Variants in ADGRF3 observed in about 807,000 individuals in gnomAD.
The protein encoded by ADGRF3 is adhesion G protein-coupled receptor F3.
A neutral mutation model predicts 93.2 loss-of-function variants in ADGRF3; 85 were observed. That is an observed-to-expected ratio of 0.91 (90% confidence interval 0.77 to 1.09). ADGRF3 has a LOEUF of 1.09. ADGRF3 is among the 50% of genes least tolerant of loss of function. The probability of loss-of-function intolerance (pLI) is 0.00; values close to 1 mark genes in which losing one functional copy is unlikely to be tolerated. For missense variants in ADGRF3, 1,125 were observed against 1,246.2 expected, an observed-to-expected ratio of 0.90 and a Z score of 1.46; for synonymous variants, 534 against 532.5, an observed-to-expected ratio of 1.00 and a Z score of -0.04.
At chr2:26,315,958 CT>C (rs1674617433) in intron 4 of ADGRF3, among the ~76,000 whole-genome samples, 1 of 151,850 alleles carries the variant, frequency 6.6e-6, no homozygotes, top group Non-Finnish European at 1.5e-5. Flanking sequence ...AAGAGGGAAC[CT>C]TTTTGGTCTA....
At chr2:26,336,849 G>C (rs12471804) in intron 1 of ADGRF3, among the ~76,000 whole-genome samples, 43,318 of 150,582 alleles carry the variant, frequency 0.29, 7,064 homozygotes, top group Middle Eastern at 0.4. Context: ...GTGTCCATTT[G>C]ACTCAGCATC....
chr2:26,310,693 T>G lies in ADGRF3; in HGVS notation c.2831A>C (p.Gln944Pro). Residue 944 changes from glutamine to proline, a missense_variant and splice_region_variant, in exon 10 of 14, where the codon CAG becomes CCG. Gln to Pro is a moderately conservative substitution (Grantham distance 76). Coordinates refer to ENST00000651242, the MANE Select transcript of ADGRF3 (RefSeq NM_001321971.2). ...HYIFTILNTLQGVFILLFGCL... is the reference protein window; with the variant it reads ...HYIFTILNTLPGVFILLFGCL... The stretch of plus-strand genomic sequence containing the variant: ...CACAGCCACCCCCCTATCACCTACC[T>G]GGAGGGTGTTGAGAATGGTGAAGAT... 2.5e-6 allele frequency: 4 copies of G among 1,609,512 alleles called. No homozygotes were observed. The highest frequency in any genetic ancestry group is 3.4e-6 in the Non-Finnish European group (4 of 1,177,906).
At chr2:26,326,112 T>G (rs1325123088) in intron 1 of ADGRF3, among the ~76,000 whole-genome samples, 2 of 152,130 alleles carry the variant, frequency 1.3e-5, no homozygotes, top group African/African-American at 2.4e-5. Flanking sequence ...GAAGGTGATT[T>G]TGATCTGAGC....
At position 26,311,618 on chromosome 2, in the gene ADGRF3, T is replaced by C; in HGVS notation, c.1906A>G (p.Met636Val). The C allele has an allele frequency of 6.2e-7, 1 of 1,613,636 alleles. No individual in the cohort carries two copies. The highest frequency in any genetic ancestry group is 8.5e-7 in the Non-Finnish European group (1 of 1,179,880). Residue 636 changes from methionine (M) to valine (V), a missense_variant, in exon 10 of 14, where the codon ATG becomes GTG. Physicochemically the swap from Met to Val is conservative, Grantham distance 21. Transcript: ENST00000651242. ...GAACCATCTGTGTTCCCAAAGTCCA[T>C]GATGACCTCTCCCTGGCTGAAGGCC... ...DRAFSQGEVIMDFGNTDGSPH... is the reference protein window; with the variant it reads ...DRAFSQGEVIVDFGNTDGSPH...
Position 26,319,565 on chromosome 2 carries a change from CCCTTCCTTCCTTCCTT to C in ADGRF3, c.115-2019_115-2004del, listed in dbSNP as rs1221160490. On this transcript the variant is annotated intron_variant, in intron 1 of 13. Transcript: ENST00000651242. ...TCTTTCTCTCCCTCCCTCCCTCCCT[CCCTTCCTTCCTTCCTT>C]CCTTCCTTCCTTCCTTCCTTCCTTC... 8.2e-3 allele frequency among the ~76,000 whole-genome samples: 393 copies of C among 48,156 alleles called. 7 individuals are homozygous for C. The highest frequency in any genetic ancestry group is 0.029 in the African/African-American group (368 of 12,814). The allele number at this position is 48,156 out of a possible 152,430, so 31.6% of individuals were successfully genotyped here.
At chr2:26,317,386 G>A (rs1558388439) in intron 2 of ADGRF3, 110 bp downstream of exon 2, 12 of 1,049,288 alleles carry the variant, frequency 1.1e-5, no homozygotes, top group Admixed American at 4.3e-5. Flanking sequence ...CTCTCTCTCC[G>A]CCACCACTCC....
intron 4 of ADGRF3, 171 bp from the exon 5 acceptor site, chr2:26,315,911 A>G (rs899344799): frequency 8.8e-6 from 9 of 1,018,308 alleles, no homozygotes; most frequent in Middle Eastern, 3.3e-4. Flanking sequence ...GGCTGCTGCA[A>G]TCCAGCCTGG....
chr2:26,341,323 A>G (rs1030729772), intron 1 of ADGRF3, among the ~76,000 whole-genome samples: 1 of 152,236 alleles, frequency 6.6e-6, no homozygotes, highest in Non-Finnish European at 1.5e-5. Flanking sequence ...GGTTGCGGTT[A>G]GCCAAGATCG....
At chr2:26,345,376 TGA>T (rs1386300846) in intron 1 of ADGRF3, among the ~76,000 whole-genome samples, 1 of 152,228 alleles carries the variant, frequency 6.6e-6, no homozygotes, top group African/African-American at 2.4e-5. Context: ...TCGTCGAGAC[TGA>T]GAGATCACTG....
intron 1 of ADGRF3, among the ~76,000 whole-genome samples, chr2:26,333,296 G>A (rs17047498): frequency 0.092 from 13,861 of 150,316 alleles, 1,677 homozygotes; most frequent in East Asian, 0.6. Flanking sequence ...GGCTCCTTGA[G>A]TCCAGTTGGT....
In ADGRF3 at chr2:26,311,422, G is replaced by A. The variant is rs760228897; in HGVS notation, c.2102C>T (p.Ala701Val). ...MSPHTVPEEPALALLTQVGLG... is the reference protein window; with the variant it reads ...MSPHTVPEEPVLALLTQVGLG... ...GCCCACTTGAGTCAGCAGCGCCAGA[G>A]CGGGTTCTTCCGGAACAGTGTGTGG... is the stretch of plus-strand genomic sequence containing the variant. Residue 701 changes from alanine (A) to valine (V), a missense_variant, in exon 10 of 14, where the codon GCT becomes GTT. By Grantham distance (64) the Ala-to-Val change is moderately conservative (BLOSUM62 0). Transcript: ENST00000651242. 3.8e-5 allele frequency: 62 copies of A among 1,613,954 alleles called. No individual in the cohort carries two copies. The South Asian group carries it at 6.7e-4, about 17-fold the overall frequency.
intron 8 of ADGRF3, 46 bp downstream of exon 8, chr2:26,313,331 G>A: frequency 6.7e-7 from 1 of 1,501,214 alleles, no homozygotes; most frequent in South Asian, 1.3e-5. Flanking sequence ...GAGAGGCTAG[G>A]GTGGGCCGTG....
rs1315672153 is a variant in ADGRF3, at chr2:26,315,388, G to A, written c.718+134C>T. 3 of 975,922 alleles carry A rather than the reference G, an allele frequency of 3.1e-6. No individual in the cohort carries two copies. In the East Asian group the frequency reaches 8.0e-5, roughly 26 times the overall value. The allele number at this position is 975,922 out of a possible 1,614,324, so 60.5% of individuals were successfully genotyped here. On this transcript the variant is annotated intron_variant, in intron 5 of 13. Transcript: ENST00000651242. Reference sequence around the variant, plus strand: ...GGAAAGATGAAAAGGGTGAGAAAGAGGTGGAAAGAAAAGAAGGAAGGAGAA... The same window carrying A: ...GGAAAGATGAAAAGGGTGAGAAAGAAGTGGAAAGAAAAGAAGGAAGGAGAA...
intron 1 of ADGRF3, among the ~76,000 whole-genome samples, chr2:26,330,202 C>T (rs1675681812): frequency 6.6e-6 from 1 of 152,090 alleles, no homozygotes; most frequent in South Asian, 2.1e-4. Context: ...TGTGTGCCAC[C>T]CAGTGGCCGG....
chr2:26,335,741 T>G (rs1407313943), intron 1 of ADGRF3, among the ~76,000 whole-genome samples: 1 of 152,218 alleles, frequency 6.6e-6, no homozygotes, highest in Non-Finnish European at 1.5e-5. Flanking sequence ...TAAGTTCTTA[T>G]ATAATTGGGC....
chr2:26,346,082 G>A, intron 1 of ADGRF3, 39 bp downstream of exon 1: 1 of 1,540,122 alleles, frequency 6.5e-7, no homozygotes, highest in Non-Finnish European at 8.7e-7. Flanking sequence ...GGGCCGAGGC[G>A]GCTACGCGTG....
At chr2:26,328,592 C>T (rs1675584006) in intron 1 of ADGRF3, among the ~76,000 whole-genome samples, 1 of 151,798 alleles carries the variant, frequency 6.6e-6, no homozygotes, top group African/African-American at 2.4e-5. Flanking sequence ...TAGCTGGGAC[C>T]ACAGGTGCAT....
At chr2:26,321,060 CT>C (rs889620944) in intron 1 of ADGRF3, among the ~76,000 whole-genome samples, 28 of 151,156 alleles carry the variant, frequency 1.9e-4, no homozygotes, top group Middle Eastern at 6.8e-3. Context: ...TAATCATAGA[CT>C]TTTTTTTTAA....
At chr2:26,317,259 C>A (rs991189191) in intron 2 of ADGRF3, among the ~76,000 whole-genome samples, 1 of 152,164 alleles carries the variant, frequency 6.6e-6, no homozygotes, top group Non-Finnish European at 1.5e-5. Context: ...GGCTTCATGT[C>A]ATCCGTCCAG....
Sources: allele counts gnomAD v4.1 joint callset (sites outside exome capture counted in the v4.1 genomes callset), GRCh38; gene constraint gnomAD v4.1.1; transcripts MANE v1.5; gene names NCBI Gene and HGNC (gene_info 2026-07-23, HGNC 2026-07-21).